Variants in ANK2 observed in about 807,000 individuals in gnomAD.
The protein encoded by ANK2 is ankyrin-2.
A neutral mutation model predicts 360.5 loss-of-function variants in ANK2; 83 were observed. The observed-to-expected ratio is 0.23, with a 90% CI of 0.19 to 0.28. The LOEUF is 0.28. Ranked by LOEUF, ANK2 falls within the 10% of genes least tolerant of loss-of-function variation. The pLI is 1.00. For synonymous variants in ANK2, 1,740 were observed against 1,759.5 expected (o/e 0.99, Z 0.28); for missense variants, 4,201 against 4,795.7 (o/e 0.88, Z 3.66).
chr4:112,886,811 C>T (rs1365551288), intron 1 of ANK2, among the ~76,000 whole-genome samples: 3 of 152,108 alleles, frequency 2.0e-5, no homozygotes, highest in African/African-American at 7.2e-5. Context: ...ACCACATAGT[C>T]CAGAATCTCT....
intron 1 of ANK2, among the ~76,000 whole-genome samples, chr4:113,105,276 T>G (rs1433036843): frequency 6.6e-6 from 1 of 152,178 alleles, no homozygotes; most frequent in African/African-American, 2.4e-5. Flanking sequence ...TTCTGTGTTC[T>G]GGAGAATTGT....
At chr4:112,890,398 G>T (rs955858571) in intron 1 of ANK2, among the ~76,000 whole-genome samples, 1 of 152,018 alleles carries the variant, frequency 6.6e-6, no homozygotes, top group Admixed American at 6.6e-5. Context: ...GAACCTACAT[G>T]TTAGGCCACC....
intron 2 of ANK2, among the ~76,000 whole-genome samples, chr4:112,909,696 T>A (rs190764083): frequency 9.8e-5 from 15 of 152,338 alleles, no homozygotes; most frequent in Admixed American, 7.8e-4. Context: ...GGGGAAAAAG[T>A]ATTCACTCTG....
chr4:112,909,654 C>T (rs560696726), intron 2 of ANK2, among the ~76,000 whole-genome samples: 18 of 152,184 alleles, frequency 1.2e-4, no homozygotes, highest in Middle Eastern at 3.4e-3. Context: ...CAAAGTAGCA[C>T]GGATTTTTCT....
chr4:113,232,285 G>T, intron 5 of ANK2, 26 bp downstream of exon 5: 1 of 1,489,138 alleles, frequency 6.7e-7, no homozygotes, highest in South Asian at 1.1e-5. Context: ...CTAAAGCCTT[G>T]AATTCTTTGA....
At chr4:112,842,898 C>G (rs1315195403) in intron 1 of ANK2, among the ~76,000 whole-genome samples, 1 of 152,230 alleles carries the variant, frequency 6.6e-6, no homozygotes, top group South Asian at 2.1e-4. Flanking sequence ...GGGCTGAAAG[C>G]GAGGTGCCCG....
intron 2 of ANK2, among the ~76,000 whole-genome samples, chr4:113,010,649 T>C (rs1026721942): frequency 5.3e-5 from 8 of 152,070 alleles, no homozygotes; most frequent in African/African-American, 1.9e-4. Flanking sequence ...CCTGGTGTGA[T>C]GGAGAGCCTA....
intron 2 of ANK2, among the ~76,000 whole-genome samples, chr4:112,956,018 A>G (rs2095313825): frequency 6.6e-6 from 1 of 152,366 alleles, no homozygotes; most frequent in Admixed American, 6.5e-5. Flanking sequence ...GAGGTGAGAC[A>G]TCACATTTTA....
intron 8 of ANK2, 24 bp from the exon 9 acceptor site, chr4:113,242,087 T>A (rs572944268): frequency 6.3e-7 from 1 of 1,585,342 alleles, no homozygotes; most frequent in African/African-American, 1.3e-5. Flanking sequence ...CCAACAGCTC[T>A]TGTTTGGTCT....
At chr4:113,282,398 C>G (rs2062762188) in intron 17 of ANK2, among the ~76,000 whole-genome samples, 2 of 152,150 alleles carry the variant, frequency 1.3e-5, no homozygotes, top group African/African-American at 2.4e-5. Flanking sequence ...TCCTATGTTG[C>G]TTTTCAGGAG....
intron 45 of ANK2, among the ~76,000 whole-genome samples, chr4:113,374,422 C>T (rs1000453473): frequency 5.9e-5 from 9 of 152,158 alleles, no homozygotes; most frequent in Non-Finnish European, 8.8e-5. Context: ...CTAATTTCAT[C>T]TTTGTAATAC....
chr4:112,898,078 T>C (rs2150794519), intron 1 of ANK2, among the ~76,000 whole-genome samples: 1 of 152,224 alleles, frequency 6.6e-6, no homozygotes, highest in Admixed American at 6.5e-5. Context: ...TTTAGAACAT[T>C]GTACGTTTAT....
At chr4:113,002,026 T>TTTA (rs2050894716) in intron 2 of ANK2, among the ~76,000 whole-genome samples, 1 of 141,900 alleles carries the variant, frequency 7.0e-6, no homozygotes, top group Admixed American at 7.2e-5. Context: ...TTATTTATTT[T>TTTA]TATTATTATT....
At chr4:113,141,586 C>A (rs2096638874) in intron 1 of ANK2, among the ~76,000 whole-genome samples, 1 of 152,170 alleles carries the variant, frequency 6.6e-6, no homozygotes, top group Non-Finnish European at 1.5e-5. Context: ...ATAGTGGGAT[C>A]AAAACCTGGG....
At chr4:113,202,214 CTG>C (rs1258158652) in intron 4 of ANK2, among the ~76,000 whole-genome samples, 1 of 152,028 alleles carries the variant, frequency 6.6e-6, no homozygotes. Context: ...ATTTTACCCC[CTG>C]TGTGTGAGCC....
chr4:112,980,379 C>T (rs1254606097), intron 2 of ANK2: 1 of 152,814 alleles, frequency 6.5e-6, no homozygotes, highest in African/African-American at 2.4e-5. Context: ...AGAGCGTGGG[C>T]TCCTGATGCA....
intron 9 of ANK2, among the ~76,000 whole-genome samples, chr4:113,246,374 C>G (rs1479405384): frequency 6.6e-6 from 1 of 152,226 alleles, no homozygotes; most frequent in South Asian, 2.1e-4. Flanking sequence ...GAGGCATTTT[C>G]CATCTTGTTG....
intron 1 of ANK2, chr4:113,145,586 GA>G: frequency 2.9e-6 from 3 of 1,050,962 alleles, no homozygotes; most frequent in Non-Finnish European, 3.5e-6. Flanking sequence ...TCACTCCATT[GA>G]CATGCATAGC....
chr4:113,245,405 G>C (rs762018946), intron 9 of ANK2, among the ~76,000 whole-genome samples: 1 of 152,182 alleles, frequency 6.6e-6, no homozygotes, highest in Non-Finnish European at 1.5e-5. Flanking sequence ...CCGAGATTGG[G>C]TAATTTATAA....
Sources: gnomAD v4.1 joint callset for allele counts (sites outside exome capture counted in the v4.1 genomes callset) on GRCh38, gnomAD v4.1.1 for gene constraint, MANE v1.5 for transcripts, NCBI Gene and HGNC (gene_info 2026-07-23, HGNC 2026-07-21) for gene names.